PPFIA2: variants seen among roughly 807,000 people sequenced by gnomAD.
The protein encoded by PPFIA2 is liprin-alpha-2.
In PPFIA2, 46 loss-of-function variants were observed where a neutral mutation model predicts 175.5. The ratio of observed to expected loss-of-function variants is 0.26; its 90% CI spans 0.21 to 0.34. The LOEUF is 0.34. Ranked by LOEUF, PPFIA2 falls within the 10% of genes least tolerant of loss-of-function variation. PPFIA2 has a pLI of 1.00. For synonymous variants in PPFIA2, 568 were observed against 511.4 expected, an observed-to-expected ratio of 1.11 and a Z score of -1.49; for missense variants, 1,179 against 1,506.1, an observed-to-expected ratio of 0.78 and a Z score of 3.60.
chr12:81,580,079 TAACAATTAATTATATTATTAAGG>T (rs1366963900), intron 4 of PPFIA2, among the ~76,000 whole-genome samples: 1 of 151,904 alleles, frequency 6.6e-6, no homozygotes, highest in Middle Eastern at 3.2e-3. Flanking sequence ...GAATTGACAG[TAACAATTAATTATATTATTAAGG>T]AACAAAGTAT....
intron 4 of PPFIA2, among the ~76,000 whole-genome samples, chr12:81,666,650 T>C (rs2070361363): frequency 6.6e-6 from 1 of 152,064 alleles, no homozygotes; most frequent in South Asian, 2.1e-4. Flanking sequence ...TTTGGAGATA[T>C]ACCTAATGTT....
In PPFIA2 at chr12:81,471,334, T is replaced by C. The variant is rs557601828; in HGVS notation, c.304-13468A>G. ...GTAGTTTTATTTTTATTTATTTATT[T>C]ATTTATTTTGGTAAAAAAGAGATCT... On this transcript the variant is annotated intron_variant, in intron 4 of 32. Transcript: ENST00000549396. 6 of 151,724 alleles carry C rather than the reference T, an allele frequency of 4.0e-5. No homozygotes were observed. The South Asian group carries it at 1.2e-3, about 31-fold the overall frequency. The allele number at this position is 151,724 out of a possible 1,614,324, so 9.4% of individuals were successfully genotyped here.
At chr12:81,664,684 TG>T (rs1398170394) in intron 4 of PPFIA2, among the ~76,000 whole-genome samples, 1 of 152,102 alleles carries the variant, frequency 6.6e-6, no homozygotes, top group Non-Finnish European at 1.5e-5. Context: ...ATCCCATTAC[TG>T]GGTACATACC....
rs189993688 is a variant in PPFIA2, at chr12:81,302,248, T to G, written c.2643-2866A>C. 236 of 390,458 alleles carry G rather than the reference T, an allele frequency of 6.0e-4. 1 individual carries two copies. Among genetic ancestry groups the G allele is most frequent in the Non-Finnish European group, 2.0e-4 (40 of 196,646 alleles). The allele number at this position is 390,458 out of a possible 1,614,324, so 24.2% of individuals were successfully genotyped here. A position where few individuals can be genotyped will look rare whatever the true frequency, so the allele number is the denominator to read the frequency against. On this transcript the variant is annotated intron_variant, in intron 22 of 32. Coordinates refer to ENST00000549396, the MANE Select transcript of PPFIA2 (RefSeq NM_003625.5). ...AATTTTTTTCTTGCATCTTACCTCC[T>G]CTTGAGCTTTTATTTCCCACTTTCT...
intron 4 of PPFIA2, among the ~76,000 whole-genome samples, chr12:81,600,914 T>C (rs989849381): frequency 2.4e-4 from 36 of 152,116 alleles, no homozygotes; most frequent in African/African-American, 7.9e-4. Flanking sequence ...TCTAACACAA[T>C]TGAGATCAGA....
chr12:81,574,667 T>C (rs2073186009), intron 4 of PPFIA2, among the ~76,000 whole-genome samples: 1 of 151,666 alleles, frequency 6.6e-6, no homozygotes, highest in Non-Finnish European at 1.5e-5. Context: ...AAATTTTGCC[T>C]GTAGTTACCA....
intron 1 of PPFIA2, 27 bp from the exon 2 acceptor site, chr12:81,758,534 C>A: frequency 2.4e-6 from 1 of 422,520 alleles, no homozygotes; most frequent in South Asian, 1.7e-5. Flanking sequence ...AAAGGCAGCT[C>A]AGACACACGC....
At chr12:81,368,608 G>A (rs757388814) in intron 13 of PPFIA2, 117 bp downstream of exon 13, 6 of 1,042,076 alleles carry the variant, frequency 5.8e-6, no homozygotes, top group Admixed American at 2.7e-5. Context: ...AATATACCAG[G>A]CATTTTTAAA....
chr12:81,696,958 G>T (rs1436331984), intron 3 of PPFIA2, among the ~76,000 whole-genome samples: 2 of 151,888 alleles, frequency 1.3e-5, no homozygotes, highest in East Asian at 3.9e-4. Flanking sequence ...TTGAGAAATA[G>T]GTTTTTTTGA....
intron 8 of PPFIA2, among the ~76,000 whole-genome samples, chr12:81,390,976 T>C (rs1234674586): frequency 6.6e-6 from 1 of 151,912 alleles, no homozygotes; most frequent in African/African-American, 2.4e-5. Flanking sequence ...TATTTATATT[T>C]ACTCATTCAT....
At chr12:81,276,135 G>A (rs1313230008) in intron 28 of PPFIA2, among the ~76,000 whole-genome samples, 4 of 152,180 alleles carry the variant, frequency 2.6e-5, no homozygotes, top group East Asian at 3.9e-4. Flanking sequence ...GCAAAAAAAA[G>A]CCCACGTATT....
At chr12:81,375,064 A>G (rs2036043101) in intron 10 of PPFIA2, among the ~76,000 whole-genome samples, 1 of 152,146 alleles carries the variant, frequency 6.6e-6, no homozygotes, top group South Asian at 2.1e-4. Context: ...CTAAGACATC[A>G]GATATACCAC....
chr12:81,472,591 C>A (rs2056904681), intron 4 of PPFIA2: 1 of 152,098 alleles, frequency 6.6e-6, no homozygotes, highest in South Asian at 2.1e-4. Context: ...AGACTCTGGA[C>A]CTCACCAAAT....
chr12:81,609,536 T>C (rs1343472520), intron 4 of PPFIA2, among the ~76,000 whole-genome samples: 2 of 152,328 alleles, frequency 1.3e-5, no homozygotes, highest in South Asian at 2.1e-4. Flanking sequence ...ATGCCCTTCA[T>C]TGTCCTTCTT....
rs76614663 is a variant in PPFIA2 at position 81,630,158 on chromosome 12, G to T, written c.303+46633C>A. On this transcript the variant is annotated intron_variant, in intron 4 of 32. Transcript: ENST00000549396. ...AGAGTCTCCAGTGGAACACAGCCTG[G>T]CTAACGCTATGATTTTAGCCCAGTA... 4.5e-4 allele frequency among the ~76,000 whole-genome samples: 68 copies of T among 152,240 alleles called. No individual in the cohort carries two copies. In the East Asian group the frequency reaches 0.011, roughly 26 times the overall value.
chr12:81,310,281 T>C (rs1469900773), intron 22 of PPFIA2, among the ~76,000 whole-genome samples: 2 of 152,122 alleles, frequency 1.3e-5, no homozygotes, highest in African/African-American at 2.4e-5. Flanking sequence ...TGTTGTTTGC[T>C]CCTCACATCT....
chr12:81,405,754 T>C (rs774433823), intron 8 of PPFIA2, 33 bp downstream of exon 8: 2 of 1,195,554 alleles, frequency 1.7e-6, no homozygotes, highest in African/African-American at 3.1e-5. Flanking sequence ...GAAGTAAACA[T>C]TTCCATGTAA....
chr12:81,474,254 T>G (rs1378908970), intron 4 of PPFIA2, among the ~76,000 whole-genome samples: 1 of 152,190 alleles, frequency 6.6e-6, no homozygotes, highest in African/African-American at 2.4e-5. Context: ...CCTCCCGGTT[T>G]CAAGCAATTC....
At chr12:81,620,502 A>G (rs2061938744) in intron 4 of PPFIA2, among the ~76,000 whole-genome samples, 1 of 152,210 alleles carries the variant, frequency 6.6e-6, no homozygotes, top group Non-Finnish European at 1.5e-5. Context: ...ACAAATGTCC[A>G]AAGCTTAAGG....
Sources: allele counts gnomAD v4.1 joint callset (sites outside exome capture counted in the v4.1 genomes callset), GRCh38; gene constraint gnomAD v4.1.1; transcripts MANE v1.5; gene names NCBI Gene and HGNC (gene_info 2026-07-23, HGNC 2026-07-21).